TBC1D15: variants seen among roughly 807,000 people sequenced by gnomAD.
The protein encoded by TBC1D15 is TBC1 domain family member 15.
Under a neutral mutation model 95.4 loss-of-function variants are expected in TBC1D15, and 39 were observed. The ratio of observed to expected loss-of-function variants is 0.41; its 90% CI spans 0.32 to 0.53. TBC1D15 has a LOEUF of 0.53. Ranked by LOEUF, TBC1D15 falls within the 20% of genes least tolerant of loss-of-function variation. The probability of loss-of-function intolerance (pLI) is 0.29; values close to 1 mark genes in which losing one functional copy is unlikely to be tolerated. For synonymous variants in TBC1D15, 258 were observed against 261.3 expected (o/e 0.99, Z 0.12); for missense variants, 733 against 794.3 (o/e 0.92, Z 0.93).
At chr12:71,919,076 C>T (rs1439904547) in intron 14 of TBC1D15, among the ~76,000 whole-genome samples, 1 of 152,106 alleles carries the variant, frequency 6.6e-6, no homozygotes, top group African/African-American at 2.4e-5. Flanking sequence ...ATTTTACATC[C>T]CATGTTTCCC....
intron 5 of TBC1D15, among the ~76,000 whole-genome samples, chr12:71,887,366 A>C (rs1896440117): frequency 6.6e-6 from 1 of 152,212 alleles, no homozygotes; most frequent in African/African-American, 2.4e-5. Flanking sequence ...ATTTCATTGA[A>C]GGATGTGGTT....
chr12:71,899,487 C>T (rs1297190524), intron 10 of TBC1D15, among the ~76,000 whole-genome samples: 1 of 152,102 alleles, frequency 6.6e-6, no homozygotes, highest in Non-Finnish European at 1.5e-5. Context: ...TTAAAGCATT[C>T]TTTTTCTATA....
At position 71,893,299 on chromosome 12, in the gene TBC1D15, A is replaced by G; in HGVS notation, c.632A>G (p.Asp211Gly). 3.1e-6 allele frequency: 5 copies of G among 1,609,752 alleles called. No individual in the cohort carries two copies. Among genetic ancestry groups the G allele is most frequent in the Non-Finnish European group, 4.2e-6 (5 of 1,177,576 alleles). The change falls in exon 6 of 17, where the codon GAT becomes GGT. Residue 211 changes from aspartate to glycine, a missense_variant. Coordinates refer to ENST00000485960, the MANE Select transcript of TBC1D15 (RefSeq NM_001146213.3). ...SLSQSFENLL[D>G]EPAYGLIQKI... is the part of the protein sequence containing the mutation. ...TCACAGTCTTTTGAAAATCTTCTTG[A>G]TGAGCCAGCATATGGTTTAATACAA...
chr12:71,907,839 T>A (rs1385207980), intron 11 of TBC1D15: 1 of 152,226 alleles, frequency 6.6e-6, no homozygotes, highest in Non-Finnish European at 1.5e-5. Flanking sequence ...AACTTACTCT[T>A]TTTTTGGTAA....
At chr12:71,851,948 T>C (rs1887931905) in intron 1 of TBC1D15, among the ~76,000 whole-genome samples, 1 of 152,228 alleles carries the variant, frequency 6.6e-6, no homozygotes, top group African/African-American at 2.4e-5. Context: ...CACTAGGCAG[T>C]GCTCTTGTGG....
In TBC1D15 at chr12:71,914,042, C is replaced by A. The variant is rs1903085720; in HGVS notation, c.1401+116C>A. On this transcript the variant is annotated intron_variant, in intron 12 of 16. Coordinates refer to ENST00000485960, the MANE Select transcript of TBC1D15 (RefSeq NM_001146213.3). ...CTATGATGGAACTTAAAAAAATTAC[C>A]TCATGCCTTTTGTTACTTTTTCTTT... 6 of 695,550 alleles carry A rather than the reference C, an allele frequency of 8.6e-6. No individual in the cohort carries two copies. In the Admixed American group the frequency reaches 1.8e-4, roughly 21 times the overall value. The allele number at this position is 695,550 out of a possible 1,614,324, so 43.1% of individuals were successfully genotyped here.
At chr12:71,855,037 C>A (rs1888707496) in intron 1 of TBC1D15, among the ~76,000 whole-genome samples, 1 of 152,152 alleles carries the variant, frequency 6.6e-6, no homozygotes, top group Admixed American at 6.6e-5. Context: ...TTAATTGACT[C>A]ACGGTTTCGC....
chr12:71,898,116 A>G (rs917755199), intron 10 of TBC1D15, among the ~76,000 whole-genome samples, 175 bp downstream of exon 10: 1 of 152,116 alleles, frequency 6.6e-6, no homozygotes, highest in African/African-American at 2.4e-5. Flanking sequence ...TCCAATAGGC[A>G]TATTAATTCA....
Position 71,896,779 on chromosome 12 carries a change from A to G in TBC1D15, c.1087A>G (p.Thr363Ala). 1.2e-6 allele frequency: 2 copies of G among 1,609,704 alleles called. No individual in the cohort carries two copies. The highest frequency in any genetic ancestry group is 1.7e-6 in the Non-Finnish European group (2 of 1,177,348). The part of the protein sequence containing the change: ...EERTQLQKQK[T>A]DEYFRMKLQW... ...AAGAACCCAATTACAAAAGCAAAAA[A>G]CGTAAGTAATGGTCTTTCGTACATT... The change falls in exon 9 of 17, where the codon ACT (threonine) becomes GCT (alanine). Residue 363 changes from threonine (T) to alanine (A), a missense_variant and splice_region_variant. Physicochemically the swap from Thr to Ala is moderately conservative, Grantham distance 58 (BLOSUM62 0). Transcript: ENST00000485960.
intron 1 of TBC1D15, among the ~76,000 whole-genome samples, chr12:71,852,135 C>G (rs986824144): frequency 6.6e-6 from 1 of 152,224 alleles, no homozygotes; most frequent in Non-Finnish European, 1.5e-5. Context: ...GGCTTAACAT[C>G]ATGTGGAAAC....
intron 1 of TBC1D15, among the ~76,000 whole-genome samples, chr12:71,845,899 T>C (rs1489149089): frequency 6.6e-6 from 1 of 152,156 alleles, no homozygotes; most frequent in Non-Finnish European, 1.5e-5. Flanking sequence ...ATAAAAATTA[T>C]AATAATCATA....
chr12:71,891,376 A>G (rs571708940), intron 5 of TBC1D15, among the ~76,000 whole-genome samples: 2 of 152,304 alleles, frequency 1.3e-5, no homozygotes, highest in Admixed American at 6.5e-5. Flanking sequence ...CTGGGTTAGC[A>G]TCATTAAAAG....
chr12:71,891,633 G>C (rs1447394791), intron 5 of TBC1D15, among the ~76,000 whole-genome samples: 2 of 152,080 alleles, frequency 1.3e-5, no homozygotes, highest in African/African-American at 4.8e-5. Flanking sequence ...CTTTGGAGCA[G>C]TCAGGTCTTT....
chr12:71,851,853 G>T (rs569291122), intron 1 of TBC1D15, among the ~76,000 whole-genome samples: 1 of 152,160 alleles, frequency 6.6e-6, no homozygotes, highest in Admixed American at 6.5e-5. Flanking sequence ...TTGTGTGCCT[G>T]TGGCTTTTCC....
At position 71,923,661 on chromosome 12, in the gene TBC1D15, G is replaced by T. The variant is rs1436812731; in HGVS notation, c.*457G>T. On this transcript the variant is annotated 3_prime_UTR_variant, in exon 17 of 17. Coordinates refer to ENST00000485960, the MANE Select transcript of TBC1D15 (RefSeq NM_001146213.3). The stretch of plus-strand genomic sequence containing the variant: ...AAATAAAAGGATTTTTTTCTCTATT[G>T]TTTACGACAGTACTCAGCTTAAATA... 1.3e-5 allele frequency: 2 copies of T among 157,250 alleles called. No individual in the cohort carries two copies. The highest frequency in any genetic ancestry group is 2.4e-5 in the African/African-American group (1 of 41,422). The allele number at this position is 157,250 out of a possible 1,614,324, so 9.7% of individuals were successfully genotyped here.
intron 1 of TBC1D15, among the ~76,000 whole-genome samples, chr12:71,856,473 T>C (rs1026285023): frequency 6.7e-6 from 1 of 150,254 alleles, no homozygotes; most frequent in African/African-American, 2.5e-5. Context: ...TCTCTGGTAG[T>C]GTAGACTTTT....
intron 16 of TBC1D15, among the ~76,000 whole-genome samples, chr12:71,922,476 G>C (rs181770377): frequency 5.3e-5 from 8 of 150,338 alleles, no homozygotes; most frequent in Admixed American, 3.4e-4. Flanking sequence ...GTGCCACATT[G>C]GTTTGCTGCA....
At chr12:71,857,108 TA>T (rs1267271696) in intron 1 of TBC1D15, among the ~76,000 whole-genome samples, 3 of 152,020 alleles carry the variant, frequency 2.0e-5, no homozygotes, top group African/African-American at 7.2e-5. Flanking sequence ...TTAAATTTAT[TA>T]TTTTTTTTCT....
chr12:71,880,802 T>A (rs566051537), intron 4 of TBC1D15, among the ~76,000 whole-genome samples, 195 bp downstream of exon 4: 26 of 152,334 alleles, frequency 1.7e-4, no homozygotes, highest in African/African-American at 6.3e-4. Flanking sequence ...AAAAAATATT[T>A]TAAAATACTT....
Sources: allele counts gnomAD v4.1 joint callset (sites outside exome capture counted in the v4.1 genomes callset), GRCh38; gene constraint gnomAD v4.1.1; transcripts MANE v1.5; gene names NCBI Gene and HGNC (gene_info 2026-07-23, HGNC 2026-07-21).